TTC1: variants seen among roughly 807,000 people sequenced by gnomAD.
TTC1 encodes tetratricopeptide repeat protein 1.
A neutral mutation model predicts 37.6 loss-of-function variants in TTC1; 31 were observed. That is an observed-to-expected ratio of 0.82 (90% CI 0.62 to 1.11). The LOEUF (loss-of-function observed/expected upper bound fraction) is 1.11. Among genes scored for constraint, TTC1 ranks in the 50% most tolerant of loss-of-function variants. TTC1 has a pLI of 0.00. For missense variants in TTC1, 351 were observed against 339.0 expected (o/e 1.04, Z -0.28); for synonymous variants, 127 against 122.4 (o/e 1.04, Z -0.25).
At chr5:160,021,386 A>C (rs1008340498) in intron 2 of TTC1, among the ~76,000 whole-genome samples, 3 of 152,248 alleles carry the variant, frequency 2.0e-5, no homozygotes, top group Non-Finnish European at 4.4e-5. Flanking sequence ...TCTTTTACCT[A>C]CATCCGTTGA....
At chr5:160,045,372 T>G (rs1309029270) in intron 5 of TTC1, among the ~76,000 whole-genome samples, 2 of 151,972 alleles carry the variant, frequency 1.3e-5, no homozygotes, top group Admixed American at 6.6e-5. Context: ...TCATTATGGA[T>G]ACATGCATTG....
intron 1 of TTC1, 127 bp downstream of exon 1, chr5:160,009,320 C>T (rs983045387): frequency 6.6e-6 from 1 of 152,142 alleles, no homozygotes; most frequent in Non-Finnish European, 1.5e-5. Flanking sequence ...TTCCAGTAGA[C>T]CTGGGAGCGA....
chr5:160,012,814 A>G lies in TTC1; in HGVS notation c.330+1956A>G, dbSNP rs151065632. On this transcript the variant is annotated intron_variant, in intron 2 of 7. Coordinates refer to ENST00000231238, the MANE Select transcript of TTC1 (RefSeq NM_003314.3). Reference sequence around the variant, plus strand: ...TGTGTAGAATGCAGTGAGTTTGACAATTGTATACACCTGCATAGTTCACGT... The same window carrying G: ...TGTGTAGAATGCAGTGAGTTTGACAGTTGTATACACCTGCATAGTTCACGT... 1.6e-3 allele frequency among the ~76,000 whole-genome samples: 240 copies of G among 152,250 alleles called. 1 individual carries two copies. The highest frequency in any genetic ancestry group is 5.4e-3 in the African/African-American group (223 of 41,546).
chr5:160,017,557 A>G (rs946367714), intron 2 of TTC1, among the ~76,000 whole-genome samples: 8 of 152,244 alleles, frequency 5.3e-5, no homozygotes, highest in African/African-American at 1.9e-4. Flanking sequence ...CATTCAGACC[A>G]TAGCAAGTGT....
intron 7 of TTC1, among the ~76,000 whole-genome samples, chr5:160,060,211 G>A (rs1265791453): frequency 2.6e-5 from 4 of 152,202 alleles, no homozygotes; most frequent in African/African-American, 7.2e-5. Context: ...ATCCATGCCC[G>A]AGTGATCTTA....
intron 5 of TTC1, among the ~76,000 whole-genome samples, chr5:160,045,506 A>T (rs1561634805): frequency 1.9e-4 from 17 of 87,864 alleles, no homozygotes; most frequent in South Asian, 1.3e-3. Flanking sequence ...ACACACACAC[A>T]CACACACATA....
intron 2 of TTC1, among the ~76,000 whole-genome samples, chr5:160,015,354 C>T (rs113518244): frequency 9.2e-5 from 14 of 152,188 alleles, no homozygotes; most frequent in East Asian, 3.9e-4. Context: ...GGACCACAGG[C>T]GCCTTCCACC....
chr5:160,041,750 T>C (rs547725441), intron 4 of TTC1, among the ~76,000 whole-genome samples: 6 of 152,346 alleles, frequency 3.9e-5, no homozygotes, highest in Admixed American at 2.0e-4. Flanking sequence ...TCAGCTCCGT[T>C]ATACTCCTAT....
intron 4 of TTC1, among the ~76,000 whole-genome samples, chr5:160,040,982 A>G (rs565571571): frequency 6.6e-6 from 1 of 151,648 alleles, no homozygotes; most frequent in South Asian, 2.1e-4. Context: ...TTTCTGTTGA[A>G]AACTAGGATG....
chr5:160,033,926 C>T (rs1312816880), intron 2 of TTC1, among the ~76,000 whole-genome samples: 1 of 152,134 alleles, frequency 6.6e-6, no homozygotes, highest in East Asian at 1.9e-4. Context: ...TGTATTTCCT[C>T]CCTTTGAAAT....
chr5:160,050,627 C>CTTTTTTT (rs546426067), intron 6 of TTC1, among the ~76,000 whole-genome samples: 1 of 109,344 alleles, frequency 9.1e-6, no homozygotes, highest in African/African-American at 3.6e-5. Context: ...CCAAACAAAA[C>CTTTTTTT]TTTTTTTTTT....
chr5:160,009,637 C>A (rs1353279358), intron 1 of TTC1, among the ~76,000 whole-genome samples: 2 of 152,110 alleles, frequency 1.3e-5, no homozygotes, highest in Non-Finnish European at 2.9e-5. Flanking sequence ...CCTTGCTTGA[C>A]GCGACACTAA....
At chr5:160,022,390 A>G (rs1363199541) in intron 2 of TTC1, among the ~76,000 whole-genome samples, 1 of 152,188 alleles carries the variant, frequency 6.6e-6, no homozygotes, top group Non-Finnish European at 1.5e-5. Flanking sequence ...GAAGTTCTCT[A>G]GCTTGGATTT....
At chr5:160,029,290 A>G (rs1344492147) in intron 2 of TTC1, among the ~76,000 whole-genome samples, 1 of 152,090 alleles carries the variant, frequency 6.6e-6, no homozygotes, top group Non-Finnish European at 1.5e-5. Flanking sequence ...ATACCCTAGT[A>G]ACAGTGAACA....
intron 1 of TTC1, among the ~76,000 whole-genome samples, chr5:160,009,722 G>T (rs1756461696): frequency 6.6e-6 from 1 of 152,158 alleles, no homozygotes; most frequent in Non-Finnish European, 1.5e-5. Flanking sequence ...GGCAGCTAGG[G>T]TTCAGAGTCA....
intron 7 of TTC1, among the ~76,000 whole-genome samples, chr5:160,064,064 G>A (rs1207877066): frequency 6.7e-6 from 1 of 148,204 alleles, no homozygotes; most frequent in Non-Finnish European, 1.5e-5. Context: ...TGCCTCCCAG[G>A]TGCAAACGAT....
chr5:160,051,118 C>G lies in TTC1; in HGVS notation c.691-11C>G, dbSNP rs1757393608. Reference sequence around the variant, plus strand: ...TTTTTTACCAACCCTTGTTTCTCCTCTTTTCCTCAGAGATTACCTAAGCAA... The same window carrying G: ...TTTTTTACCAACCCTTGTTTCTCCTGTTTTCCTCAGAGATTACCTAAGCAA... On this transcript the variant is annotated splice_polypyrimidine_tract_variant and intron_variant, in intron 6 of 7. Transcript: ENST00000231238. The G allele has an allele frequency of 6.5e-7, 1 of 1,539,732 alleles. No individual in the cohort carries two copies. Among genetic ancestry groups the G allele is most frequent in the Non-Finnish European group, 8.8e-7 (1 of 1,137,656 alleles).
At chr5:160,041,203 T>C (rs1757086164) in intron 4 of TTC1, among the ~76,000 whole-genome samples, 1 of 152,218 alleles carries the variant, frequency 6.6e-6, no homozygotes, top group Non-Finnish European at 1.5e-5. Context: ...TACACTTTTT[T>C]TTAGTAGAAG....
chr5:160,058,235 C>T (rs1426947982), intron 7 of TTC1, among the ~76,000 whole-genome samples: 7 of 152,146 alleles, frequency 4.6e-5, no homozygotes, highest in East Asian at 1.9e-4. Context: ...CATCTTCAAG[C>T]GCCACTCGAA....
Sources: allele counts gnomAD v4.1 joint callset (sites outside exome capture counted in the v4.1 genomes callset), GRCh38; gene constraint gnomAD v4.1.1; transcripts MANE v1.5; gene names NCBI Gene and HGNC (gene_info 2026-07-23, HGNC 2026-07-21).